CRACDL: variants seen among roughly 807,000 people sequenced by gnomAD.
The protein encoded by CRACDL is CRACD like.
In CRACDL, 26 loss-of-function variants were observed where a neutral mutation model predicts 70.6. That is an observed-to-expected ratio of 0.37 (90% confidence interval 0.27 to 0.51). CRACDL has a LOEUF of 0.51. CRACDL is among the 20% of genes least tolerant of loss of function. The pLI, the probability that CRACDL is intolerant of heterozygous loss-of-function variation, is 0.94. For synonymous variants in CRACDL, 618 were observed against 615.2 expected, an observed-to-expected ratio of 1.00 and a Z score of -0.07; for missense variants, 1,283 against 1,376.9, an observed-to-expected ratio of 0.93 and a Z score of 1.08.
chr2:98,882,246 C>T (rs572090881), intron 1 of CRACDL, among the ~76,000 whole-genome samples: 1 of 152,322 alleles, frequency 6.6e-6, no homozygotes, highest in Non-Finnish European at 1.5e-5. Flanking sequence ...CAGAGGGGAC[C>T]ACTCCTCCAG....
At chr2:98,891,096 G>C (rs1047150625) in intron 1 of CRACDL, among the ~76,000 whole-genome samples, 5 of 151,748 alleles carry the variant, frequency 3.3e-5, no homozygotes, top group African/African-American at 1.2e-4. Flanking sequence ...TCCAAACTTT[G>C]GGCTGGACGC....
intron 7 of CRACDL, among the ~76,000 whole-genome samples, chr2:98,810,193 G>A (rs964405273): frequency 1.3e-5 from 2 of 152,180 alleles, no homozygotes; most frequent in Admixed American, 6.5e-5. Context: ...TTCAGGGGTC[G>A]AGTGAAGTAC....
chr2:98,923,423 G>A (rs1446406352), intron 1 of CRACDL, among the ~76,000 whole-genome samples: 2 of 152,100 alleles, frequency 1.3e-5, no homozygotes, highest in Admixed American at 6.5e-5. Flanking sequence ...TTGCAGAAGC[G>A]CTGTGGTCCC....
rs572766530 is a variant in CRACDL at position 98,912,582 on chromosome 2, T to C, written c.-11+23356A>G. On this transcript the variant is annotated intron_variant, in intron 1 of 9. Coordinates refer to ENST00000397899, the MANE Select transcript of CRACDL (RefSeq NM_207362.3). ...CTTTCCCTGAATGCCCTGAGGTCTA[T>C]GACAGCTCCTGAGAGCCGACCCCCA... is the stretch of plus-strand genomic sequence containing the variant. 2.0e-5 allele frequency among the ~76,000 whole-genome samples: 3 copies of C among 152,248 alleles called. No homozygotes were observed. The South Asian group carries it at 6.2e-4, about 31-fold the overall frequency.
intron 1 of CRACDL, among the ~76,000 whole-genome samples, chr2:98,858,421 A>G (rs945039432): frequency 6.6e-6 from 1 of 150,916 alleles, no homozygotes; most frequent in African/African-American, 2.4e-5. Context: ...AGGCTGAGGC[A>G]TGATAATCTC....
chr2:98,822,539 C>T lies in CRACDL; in HGVS notation c.1734G>A (p.Ser578=). Residue 578 remains serine (S), a synonymous_variant, in exon 7 of 10, where the codon TCG becomes TCA. Coordinates refer to ENST00000397899, the MANE Select transcript of CRACDL (RefSeq NM_207362.3). This position sits in a 1 kb window ranked among gnomAD's most constrained non-coding sequence, Gnocchi z 4.9. ...LRGAKKFSVS[S]CRARPRPGVS... ...CGCCCGGACGAGGCCGCGCTCGGCA[C>T]GAGGACACCGAGAACTTCTTCGCGC... 3.4e-6 allele frequency: 5 copies of T among 1,465,922 alleles called. No individual in the cohort carries two copies. Among genetic ancestry groups the T allele is most frequent in the Non-Finnish European group, 3.6e-6 (4 of 1,116,648 alleles). The allele number at this position is 1,465,922 out of a possible 1,614,324, so 90.8% of individuals were successfully genotyped here.
chr2:98,911,228 G>A (rs1708540686), intron 1 of CRACDL, among the ~76,000 whole-genome samples: 1 of 152,206 alleles, frequency 6.6e-6, no homozygotes, highest in Non-Finnish European at 1.5e-5. Flanking sequence ...CCCTCATAGT[G>A]GACGGGGGCT....
intron 1 of CRACDL, among the ~76,000 whole-genome samples, chr2:98,887,626 A>C (rs1707834813): frequency 6.6e-6 from 1 of 152,200 alleles, no homozygotes; most frequent in Non-Finnish European, 1.5e-5. Flanking sequence ...CACTTCCAAA[A>C]TTTGAGGAAA....
chr2:98,796,394 G>A (rs1234845603), intron 8 of CRACDL, 130 bp from the exon 9 acceptor site: 18 of 878,888 alleles, frequency 2.0e-5, no homozygotes, highest in Admixed American at 6.8e-5. Context: ...TCGGGAGGGC[G>A]CCCTGGTGTC....
intron 1 of CRACDL, among the ~76,000 whole-genome samples, chr2:98,923,536 C>A (rs939624957): frequency 5.9e-5 from 9 of 152,276 alleles, no homozygotes; most frequent in African/African-American, 2.2e-4. Context: ...CTTTGAGAGG[C>A]TACAAATATT....
chr2:98,817,165 T>C (rs1037707763), intron 7 of CRACDL, among the ~76,000 whole-genome samples: 2 of 151,980 alleles, frequency 1.3e-5, no homozygotes, highest in Admixed American at 1.3e-4. Context: ...TTCATACAAT[T>C]GAAGAGCGGA....
chr2:98,891,422 T>C (rs892132827), intron 1 of CRACDL, among the ~76,000 whole-genome samples: 2 of 135,162 alleles, frequency 1.5e-5, no homozygotes, highest in African/African-American at 5.7e-5. Flanking sequence ...CTTTGGAGCT[T>C]TTTGGGTTTC....
At position 98,794,373 on chromosome 2, in the gene CRACDL, C is replaced by T; in HGVS notation, c.*159G>A. The stretch of plus-strand genomic sequence containing the variant: ...AGGAGTATGGCTGTGTGTTTATCCT[C>T]TTTGTTTTGCCTGGTTCCTTCCTCT... On this transcript the variant is annotated 3_prime_UTR_variant, in exon 10 of 10. Coordinates refer to ENST00000397899, the MANE Select transcript of CRACDL (RefSeq NM_207362.3). The T allele has an allele frequency of 1.6e-6, 1 of 637,300 alleles. No individual in the cohort carries two copies. The highest frequency in any genetic ancestry group is 2.1e-5 in the South Asian group (1 of 46,890). 39.5% of individuals were successfully genotyped at this position (637,300 alleles called of 1,614,324 possible). A position where few individuals can be genotyped will look rare whatever the true frequency, so the allele number is the denominator to read the frequency against.
intron 1 of CRACDL, among the ~76,000 whole-genome samples, chr2:98,879,129 G>A (rs1707568033): frequency 6.6e-6 from 1 of 152,086 alleles, no homozygotes. Context: ...TGGACTCTGA[G>A]CTCCCTGAGG....
At chr2:98,812,464 T>C (rs1704611499) in intron 7 of CRACDL, among the ~76,000 whole-genome samples, 1 of 152,228 alleles carries the variant, frequency 6.6e-6, no homozygotes, top group South Asian at 2.1e-4. Flanking sequence ...CCATTGGCCA[T>C]AGAGATAATA....
intron 1 of CRACDL, among the ~76,000 whole-genome samples, chr2:98,903,381 G>C (rs1406149068): frequency 2.6e-5 from 4 of 152,094 alleles, no homozygotes; most frequent in Admixed American, 2.6e-4. Flanking sequence ...TTTGCCAAAA[G>C]CCCACCTTCA....
intron 1 of CRACDL, among the ~76,000 whole-genome samples, chr2:98,934,180 T>G (rs997103265): frequency 2.0e-5 from 3 of 150,010 alleles, no homozygotes; most frequent in African/African-American, 7.4e-5. Context: ...GCACTGAGAT[T>G]GGTCAAGATT....
chr2:98,804,096 C>T (rs1402122693), intron 7 of CRACDL, among the ~76,000 whole-genome samples: 3 of 152,190 alleles, frequency 2.0e-5, no homozygotes, highest in South Asian at 2.1e-4. Flanking sequence ...TACAGTCGCT[C>T]GTCATCAGAT....
intron 1 of CRACDL, among the ~76,000 whole-genome samples, chr2:98,909,691 C>T (rs556537636): frequency 2.6e-5 from 4 of 152,324 alleles, no homozygotes; most frequent in South Asian, 4.1e-4. Flanking sequence ...CTCCAGGGAA[C>T]GGGCCTGGCA....
Sources: allele counts gnomAD v4.1 joint callset (sites outside exome capture counted in the v4.1 genomes callset), GRCh38; gene constraint gnomAD v4.1.1; non-coding constraint Gnocchi (gnomAD v3.1); transcripts MANE v1.5; gene names NCBI Gene and HGNC (gene_info 2026-07-23, HGNC 2026-07-21).